The following CCSER1 variants were observed in gnomAD, a reference collection of about 807,000 sequenced individuals.
CCSER1 encodes the protein serine-rich coiled-coil domain-containing protein 1.
In CCSER1, 41 loss-of-function variants were observed where a neutral mutation model predicts 82.0. That is an observed-to-expected ratio of 0.50 (90% confidence interval 0.39 to 0.65). The LOEUF (loss-of-function observed/expected upper bound fraction) is 0.65. Among genes scored for constraint, CCSER1 ranks in the 30% least tolerant of loss-of-function variants. CCSER1 has a pLI of 0.00. For missense variants in CCSER1, 1,119 were observed against 1,064.2 expected (o/e 1.05, Z -0.72); for synonymous variants, 414 against 383.9 (o/e 1.08, Z -0.92).
intron 3 of CCSER1, among the ~76,000 whole-genome samples, chr4:90,368,228 C>T (rs1187501215): frequency 6.6e-6 from 1 of 151,886 alleles, no homozygotes. Context: ...GTTAAACAGG[C>T]AGAAACTCAG....
At chr4:91,014,740 T>A (rs2150510721) in intron 9 of CCSER1, among the ~76,000 whole-genome samples, 1 of 152,312 alleles carries the variant, frequency 6.6e-6, no homozygotes, top group African/African-American at 2.4e-5. Context: ...AATGAGAGAT[T>A]ATTAAGAATC....
At chr4:91,316,683 C>T (rs1279516052) in intron 10 of CCSER1, among the ~76,000 whole-genome samples, 1 of 151,968 alleles carries the variant, frequency 6.6e-6, no homozygotes, top group Admixed American at 6.6e-5. Context: ...ACCATCTCTT[C>T]AATTAGTAAA....
At chr4:90,569,410 A>G (rs1779845312) in intron 5 of CCSER1, among the ~76,000 whole-genome samples, 1 of 152,178 alleles carries the variant, frequency 6.6e-6, no homozygotes, top group Non-Finnish European at 1.5e-5. Flanking sequence ...AGAAATTGAT[A>G]GAGACGTGAT....
At chr4:91,404,437 G>C (rs533527839) in intron 10 of CCSER1, among the ~76,000 whole-genome samples, 2 of 151,904 alleles carry the variant, frequency 1.3e-5, no homozygotes, top group Non-Finnish European at 2.9e-5. Context: ...CCTTCTGCTA[G>C]CTTTTGAATG....
At chr4:91,417,461 A>T (rs1753435268) in intron 10 of CCSER1, among the ~76,000 whole-genome samples, 2 of 152,296 alleles carry the variant, frequency 1.3e-5, no homozygotes, top group South Asian at 4.1e-4. Flanking sequence ...TCAATGATAG[A>T]CTGGATGAAG....
Position 90,240,106 on chromosome 4 carries a change from G to A in CCSER1, c.-41-68138G>A, listed in dbSNP as rs539383005. 5.9e-5 allele frequency among the ~76,000 whole-genome samples: 9 copies of A among 152,252 alleles called. No individual in the cohort carries two copies. In the South Asian group the frequency reaches 8.3e-4, roughly 14 times the overall value. Reference sequence around the variant, plus strand: ...CTCACTGGAGAGCAGAGAAGTTTTCGAGTTTGGCTGAGCATCCAGAGATGG... The same window carrying A: ...CTCACTGGAGAGCAGAGAAGTTTTCAAGTTTGGCTGAGCATCCAGAGATGG... On this transcript the variant is annotated intron_variant, in intron 1 of 10. Transcript: ENST00000509176.
intron 6 of CCSER1, among the ~76,000 whole-genome samples, chr4:90,719,425 A>G (rs1475216043): frequency 6.6e-6 from 1 of 152,182 alleles, no homozygotes; most frequent in Admixed American, 6.5e-5. Flanking sequence ...TAATAGAAAT[A>G]ACGTGCACAA....
At chr4:90,836,127 A>G (rs55634325) in intron 8 of CCSER1, among the ~76,000 whole-genome samples, 4,870 of 152,232 alleles carry the variant, frequency 0.032, 266 homozygotes, top group African/African-American at 0.11. Context: ...ACACTGTTGG[A>G]TAAAAAATTC....
intron 9 of CCSER1, among the ~76,000 whole-genome samples, chr4:90,934,823 C>T (rs1327597153): frequency 6.6e-6 from 1 of 152,048 alleles, no homozygotes; most frequent in Non-Finnish European, 1.5e-5. Context: ...CCCAGCAACT[C>T]AGGAGACTGA....
chr4:90,729,588 T>C (rs1337942098), intron 7 of CCSER1, among the ~76,000 whole-genome samples: 3 of 152,080 alleles, frequency 2.0e-5, no homozygotes, highest in Non-Finnish European at 4.4e-5. Flanking sequence ...AGAACATATA[T>C]ATATTGGCCG....
At chr4:90,254,982 CACACACACACA>C (rs1723016089) in intron 1 of CCSER1, among the ~76,000 whole-genome samples, 1 of 134,430 alleles carries the variant, frequency 7.4e-6, no homozygotes, top group Admixed American at 7.0e-5. Context: ...TATATCAACA[CACACACACACA>C]CACACACACA....
chr4:91,274,275 C>A (rs1742256030), intron 10 of CCSER1, among the ~76,000 whole-genome samples: 1 of 152,016 alleles, frequency 6.6e-6, no homozygotes, highest in South Asian at 2.1e-4. Context: ...AATGATCAAG[C>A]CAGAGTGTTT....
chr4:90,937,189 A>G (rs549678009), intron 9 of CCSER1, among the ~76,000 whole-genome samples: 3 of 152,284 alleles, frequency 2.0e-5, no homozygotes, highest in African/African-American at 7.2e-5. Context: ...GGAAGGAGCT[A>G]CTGTGTAGAA....
chr4:91,394,659 G>T (rs1434209268), intron 10 of CCSER1, among the ~76,000 whole-genome samples: 1 of 151,912 alleles, frequency 6.6e-6, no homozygotes, highest in Non-Finnish European at 1.5e-5. Context: ...TAATAGCATT[G>T]AATGTTTGTT....
rs935006906 is a variant in CCSER1 at position 90,152,020 on chromosome 4, A to C, written c.-42+24189A>C. ...GAATCACCACTGAATAAGTTATATT[A>C]GAATTTGGTCCTTAAGTCTGTGTAT... On this transcript the variant is annotated intron_variant, in intron 1 of 10. Coordinates refer to ENST00000509176, the MANE Select transcript of CCSER1 (RefSeq NM_001145065.2). Among the ~76,000 whole-genome samples, 36 of 152,356 alleles carry C rather than the reference A, an allele frequency of 2.4e-4. 1 individual carries two copies. Among genetic ancestry groups the C allele is most frequent in the African/African-American group, 8.7e-4 (36 of 41,594 alleles).
intron 9 of CCSER1, among the ~76,000 whole-genome samples, chr4:90,949,288 T>C (rs1732627762): frequency 6.6e-6 from 1 of 152,100 alleles, no homozygotes; most frequent in Admixed American, 6.6e-5. Context: ...CCATCAAATA[T>C]TTAAGAATTT....
At chr4:90,368,330 T>G (rs894718247) in intron 3 of CCSER1, among the ~76,000 whole-genome samples, 4 of 151,746 alleles carry the variant, frequency 2.6e-5, no homozygotes, top group African/African-American at 4.8e-5. Context: ...AATGAATAAG[T>G]TTTTGCTTAA....
At chr4:90,772,435 A>G (rs1159683664) in intron 7 of CCSER1, among the ~76,000 whole-genome samples, 1 of 152,170 alleles carries the variant, frequency 6.6e-6, no homozygotes, top group Non-Finnish European at 1.5e-5. Context: ...TATATATTCT[A>G]ACAGATAAAA....
intron 10 of CCSER1, among the ~76,000 whole-genome samples, chr4:91,115,161 G>C (rs1726439112): frequency 1.3e-5 from 2 of 152,006 alleles, no homozygotes; most frequent in South Asian, 2.1e-4. Flanking sequence ...TTCTACAAAG[G>C]GATGTCTTTT....
Sources: allele counts gnomAD v4.1 joint callset (sites outside exome capture counted in the v4.1 genomes callset), GRCh38; gene constraint gnomAD v4.1.1; transcripts MANE v1.5; gene names NCBI Gene and HGNC (gene_info 2026-07-23, HGNC 2026-07-21).